TBC1D22A: variants seen among roughly 807,000 people sequenced by gnomAD.
TBC1D22A encodes the protein putative GTPase activator.
Under a neutral mutation model 60.2 loss-of-function variants are expected in TBC1D22A, and 38 were observed. The observed-to-expected ratio is 0.63, with a 90% CI of 0.49 to 0.83. TBC1D22A has a LOEUF of 0.83. Ranked by LOEUF, TBC1D22A falls within the 40% of genes least tolerant of loss-of-function variation. The pLI is 0.00. For synonymous variants in TBC1D22A, 302 were observed against 281.7 expected (o/e 1.07, Z -0.72); for missense variants, 628 against 701.0 (o/e 0.90, Z 1.18).
intron 8 of TBC1D22A, among the ~76,000 whole-genome samples, chr22:46,944,759 G>C (rs753270678): frequency 6.6e-6 from 1 of 152,128 alleles, no homozygotes; most frequent in Non-Finnish European, 1.5e-5. Flanking sequence ...ATTATAACTT[G>C]AGTGGAATTG....
chr22:46,977,843 C>T (rs545707570), intron 9 of TBC1D22A, among the ~76,000 whole-genome samples: 1 of 152,288 alleles, frequency 6.6e-6, no homozygotes, highest in Non-Finnish European at 1.5e-5. Flanking sequence ...GCAGCGCTAG[C>T]AGGGATGGTG....
intron 10 of TBC1D22A, among the ~76,000 whole-genome samples, chr22:47,025,729 T>C (rs1165623238): frequency 6.6e-6 from 1 of 152,162 alleles, no homozygotes; most frequent in African/African-American, 2.4e-5. Flanking sequence ...ACTGAGTGTG[T>C]GCGAAGAGGC....
At chr22:46,972,492 G>A (rs142361380) in intron 8 of TBC1D22A, among the ~76,000 whole-genome samples, 2 of 152,304 alleles carry the variant, frequency 1.3e-5, no homozygotes, top group Non-Finnish European at 2.9e-5. Context: ...ACGGGCTGCC[G>A]CATGGATGAC....
intron 1 of TBC1D22A, among the ~76,000 whole-genome samples, chr22:46,769,381 G>A (rs762987294): frequency 8.5e-5 from 13 of 152,262 alleles, no homozygotes; most frequent in Non-Finnish European, 1.6e-4. Context: ...GCCAGGTGCT[G>A]TGGTGCGTGC....
intron 8 of TBC1D22A, among the ~76,000 whole-genome samples, chr22:46,941,828 TAGAATA>T (rs1486777298): frequency 0.12 from 11,653 of 94,456 alleles, 1,039 homozygotes; most frequent in African/African-American, 0.28. Flanking sequence ...ATAGAATATA[TAGAATA>T]ATAGAATATA....
At chr22:46,843,615 G>A (rs562836807) in intron 4 of TBC1D22A, among the ~76,000 whole-genome samples, 16 of 152,088 alleles carry the variant, frequency 1.1e-4, no homozygotes, top group African/African-American at 3.6e-4. Context: ...TGTAGATGAC[G>A]TCTGTAGACT....
At chr22:47,122,404 G>A (rs1276612056) in intron 12 of TBC1D22A, among the ~76,000 whole-genome samples, 1 of 152,204 alleles carries the variant, frequency 6.6e-6, no homozygotes, top group African/African-American at 2.4e-5. Context: ...AGAGGAGGGG[G>A]TGAGTGTGGT....
At chr22:47,090,046 G>T (rs2064855056) in intron 11 of TBC1D22A, among the ~76,000 whole-genome samples, 1 of 152,154 alleles carries the variant, frequency 6.6e-6, no homozygotes, top group Non-Finnish European at 1.5e-5. Flanking sequence ...ATTTCCCCGG[G>T]CCCCGCCGTG....
intron 11 of TBC1D22A, among the ~76,000 whole-genome samples, chr22:47,058,067 G>A (rs2063455639): frequency 6.6e-6 from 1 of 152,198 alleles, no homozygotes; most frequent in Non-Finnish European, 1.5e-5. Flanking sequence ...TGCAGGCCAA[G>A]GGACTGGCAC....
chr22:46,779,412 C>T (rs113773575), intron 1 of TBC1D22A, among the ~76,000 whole-genome samples: 62 of 152,154 alleles, frequency 4.1e-4, no homozygotes, highest in African/African-American at 1.4e-3. Context: ...GTGCCCACCA[C>T]CACACCTGGC....
rs146203293 is a variant in TBC1D22A, at chr22:46,905,129, G to C, written c.901-6945G>C. 3.6e-3 allele frequency among the ~76,000 whole-genome samples: 543 copies of C among 152,322 alleles called. 2 individuals carry two copies. The highest frequency in any genetic ancestry group is 6.0e-3 in the South Asian group (29 of 4,832). ...CAGAGGGGGACGGTGGGGACTCTTA[G>C]GCACCACAGTACAAATCAGGTGATT... is the stretch of plus-strand genomic sequence containing the variant. On this transcript the variant is annotated intron_variant, in intron 7 of 12. Transcript: ENST00000337137.
chr22:46,975,755 C>G (rs1020424347), intron 9 of TBC1D22A, among the ~76,000 whole-genome samples: 3 of 152,260 alleles, frequency 2.0e-5, no homozygotes, highest in African/African-American at 7.2e-5. Flanking sequence ...GTTTAGACTC[C>G]AAGTTTAATT....
chr22:46,938,582 T>G (rs2071796656), intron 8 of TBC1D22A, among the ~76,000 whole-genome samples: 1 of 148,728 alleles, frequency 6.7e-6, no homozygotes, highest in South Asian at 2.1e-4. Flanking sequence ...TAATCAGTTA[T>G]TTCTCTCTTT....
At chr22:46,927,528 A>T (rs761782702) in intron 8 of TBC1D22A, among the ~76,000 whole-genome samples, 5 of 152,236 alleles carry the variant, frequency 3.3e-5, no homozygotes. Context: ...TTCCCCTAAG[A>T]TCAGGAGTAA....
At chr22:46,956,911 C>T (rs1307982282) in intron 8 of TBC1D22A, among the ~76,000 whole-genome samples, 1 of 152,186 alleles carries the variant, frequency 6.6e-6, no homozygotes, top group Non-Finnish European at 1.5e-5. Flanking sequence ...GGGGCCAGAT[C>T]CGGCCTGAAC....
chr22:46,964,324 T>A (rs2073692186), intron 8 of TBC1D22A, among the ~76,000 whole-genome samples: 1 of 152,214 alleles, frequency 6.6e-6, no homozygotes, highest in Non-Finnish European at 1.5e-5. Context: ...GAGTACCTTC[T>A]GGGCATGTGG....
chr22:46,951,638 T>G (rs1379298494), intron 8 of TBC1D22A, among the ~76,000 whole-genome samples: 1 of 152,214 alleles, frequency 6.6e-6, no homozygotes, highest in Non-Finnish European at 1.5e-5. Flanking sequence ...CTGAGCACCT[T>G]GTGTCAGCTG....
chr22:47,096,526 A>G (rs1233892973), intron 11 of TBC1D22A, among the ~76,000 whole-genome samples: 1 of 152,174 alleles, frequency 6.6e-6, no homozygotes, highest in Non-Finnish European at 1.5e-5. Flanking sequence ...AGTTTTTAAA[A>G]TTTATCCTTT....
chr22:46,946,595 C>T (rs933836703), intron 8 of TBC1D22A, among the ~76,000 whole-genome samples: 5 of 152,204 alleles, frequency 3.3e-5, no homozygotes, highest in African/African-American at 7.2e-5. Flanking sequence ...ACAAGGAGGG[C>T]CTCTGGGACT....
Sources: gnomAD v4.1 joint callset for allele counts (sites outside exome capture counted in the v4.1 genomes callset) on GRCh38, gnomAD v4.1.1 for gene constraint, MANE v1.5 for transcripts, NCBI Gene and HGNC (gene_info 2026-07-23, HGNC 2026-07-21) for gene names.